SLC5A6: variants seen among roughly 807,000 people sequenced by gnomAD.
The protein encoded by SLC5A6 is sodium-dependent multivitamin transporter.
SLC5A6 carries 31 observed loss-of-function variants against 67.9 expected under a neutral mutation model. The ratio of observed to expected loss-of-function variants is 0.46; its 90% CI spans 0.34 to 0.62. The LOEUF (loss-of-function observed/expected upper bound fraction) is 0.62, where lower values mean the gene tolerates loss of function less well. Among genes scored for constraint, SLC5A6 ranks in the 20% least tolerant of loss-of-function variants. SLC5A6 has a pLI of 0.01. For synonymous variants in SLC5A6, 343 were observed against 331.0 expected (o/e 1.04, Z -0.39); for missense variants, 673 against 812.8 (o/e 0.83, Z 2.09).
Position 27,207,458 on chromosome 2 carries a change from T to G in SLC5A6, c.193A>C (p.Lys65Gln), listed in dbSNP as rs144229811. Residue 65 changes from lysine (K) to glutamine (Q), a missense_variant, in exon 3 of 17, where the codon AAA becomes CAA. By Grantham distance (53) the Lys-to-Gln change is moderately conservative. Coordinates refer to ENST00000310574, the MANE Select transcript of SLC5A6 (RefSeq NM_021095.4). The surrounding 1 kb of genome is among the most constrained non-coding windows in gnomAD (Gnocchi z 5.5). ...AGTGCCACCGGAAGGCAGCCCATTTTGCGGTCCGCCATCAGCAGCTCACCA... is the reference window on the plus strand; with the variant it reads ...AGTGCCACCGGAAGGCAGCCCATTTGGCGGTCCGCCATCAGCAGCTCACCA... ...TVGELLMADR[K>Q]MGCLPVALSL... The G allele has an allele frequency of 4.0e-5, 65 of 1,614,044 alleles. No individual in the cohort carries two copies. The highest frequency in any genetic ancestry group is 5.4e-5 in the Non-Finnish European group (64 of 1,180,030).
At position 27,204,865 on chromosome 2, in the gene SLC5A6, C is replaced by G. The variant is rs1400706012; in HGVS notation, c.801G>C (p.Met267Ile). ...WTLAFGGVFM[M>I]LSLYGVNQAQ... Reference sequence around the variant, plus strand: ...CCTGGTTCACCCCGTATAAGGAGAGCATCATGAAGACACCCCCGAAGGCCA... The same window carrying G: ...CCTGGTTCACCCCGTATAAGGAGAGGATCATGAAGACACCCCCGAAGGCCA... The change falls in exon 8 of 17, where the codon ATG becomes ATC. Residue 267 changes from methionine (M) to isoleucine (I), a missense_variant. Coordinates refer to ENST00000310574, the MANE Select transcript of SLC5A6 (RefSeq NM_021095.4). 1 of 1,614,112 alleles carries G rather than the reference C, an allele frequency of 6.2e-7. No homozygotes were observed. The highest frequency in any genetic ancestry group is 2.2e-5 in the East Asian group (1 of 44,886).
Position 27,211,481 on chromosome 2 carries a change from C to A in SLC5A6, c.-155G>T, listed in dbSNP as rs1478450813. The A allele has an allele frequency of 1.3e-5, 2 of 152,418 alleles. No homozygotes were observed. Among genetic ancestry groups the A allele is most frequent in the African/African-American group, 4.8e-5 (2 of 41,474 alleles). 9.4% of individuals were successfully genotyped at this position (152,418 alleles called of 1,614,324 possible). ...CACTCCCTTACCTCCGTGGTTCAGTCAGAGCTAGGAAGGTCCCTTTGTGCT... is the reference window on the plus strand; with the variant it reads ...CACTCCCTTACCTCCGTGGTTCAGTAAGAGCTAGGAAGGTCCCTTTGTGCT... On this transcript the variant is annotated 5_prime_UTR_variant, in exon 2 of 17. Coordinates refer to ENST00000310574, the MANE Select transcript of SLC5A6 (RefSeq NM_021095.4).
Position 27,201,754 on chromosome 2 carries a change from AG to A in SLC5A6, c.1455del (p.Ser486LeufsTer14). On this transcript the variant is annotated frameshift_variant, in exon 14 of 17. Transcript: ENST00000310574. LOFTEE classifies it high-confidence loss of function. ...IVTSMGSSMPPSPSNGSSFSL... is the reference protein window; with the variant it reads ...IVTSMGSSMPXSPSNGSSFSL... ...GAGAAGCTGGACCCATTAGAGGGAG[AG>A]GGTGGCATGCTGGAGCCCATGCTGG... 1 of 1,614,082 alleles carries A rather than the reference AG, an allele frequency of 6.2e-7. No individual in the cohort carries two copies. The highest frequency in any genetic ancestry group is 8.5e-7 in the Non-Finnish European group (1 of 1,179,918).
intron 1 of SLC5A6, 183 bp downstream of exon 1, chr2:27,211,837 C>CA (rs1674530458): frequency 4.6e-6 from 1 of 219,078 alleles, no homozygotes; most frequent in Non-Finnish European, 8.8e-6. Context: ...CCCTTGTCCC[C>CA]GCCCCGGCTC....
intron 6 of SLC5A6, among the ~76,000 whole-genome samples, chr2:27,205,799 G>C (rs1674018923): frequency 6.6e-6 from 1 of 152,240 alleles, no homozygotes; most frequent in African/African-American, 2.4e-5. Flanking sequence ...GGACTCTCCT[G>C]CCATTAGGCA....
In SLC5A6 at chr2:27,201,057, G is replaced by C. The variant is rs780116653; in HGVS notation, c.1705C>G (p.Leu569Val). 6.2e-7 allele frequency: 1 copy of C among 1,613,850 alleles called. No homozygotes were observed. Among genetic ancestry groups the C allele is most frequent in the Non-Finnish European group, 8.5e-7 (1 of 1,179,960 alleles). ...CAGGACAACGGAAGGAGGGACAGGA[G>C]CTTTGGCAACACTGGGTAAATGGTT... ...PATIYPVLPK[L>V]LSLLPLSCQK... is the part of the protein sequence containing the mutation. The change falls in exon 16 of 17, where the codon CTC becomes GTC. Residue 569 changes from leucine to valine, a missense_variant. Coordinates refer to ENST00000310574, the MANE Select transcript of SLC5A6 (RefSeq NM_021095.4).
Position 27,202,050 on chromosome 2 carries a change from CCATGCCAAA to C in SLC5A6, c.1291_1299del (p.Phe431_Met433del). 1 of 1,614,140 alleles carries C rather than the reference CCATGCCAAA, an allele frequency of 6.2e-7. No individual in the cohort carries two copies. The highest frequency in any genetic ancestry group is 2.2e-5 in the East Asian group (1 of 44,888). On this transcript the variant is annotated inframe_deletion, in exon 13 of 17. Coordinates refer to ENST00000310574, the MANE Select transcript of SLC5A6 (RefSeq NM_021095.4). ...AAGAGTCCCAGCAGCGGTCCCCCAACCATGCCAAAGATGCTGATTGCTGCCTAGGAGGAC... is the reference window on the plus strand; with the variant it reads ...AAGAGTCCCAGCAGCGGTCCCCCAACGATGCTGATTGCTGCCTAGGAGGAC...
chr2:27,204,328 A>G (rs1164746391), intron 9 of SLC5A6, 133 bp downstream of exon 9: 1 of 986,072 alleles, frequency 1.0e-6, no homozygotes, highest in East Asian at 2.5e-5. Flanking sequence ...CTAGCATCTC[A>G]GAGTGGGAAA....
chr2:27,211,019 G>A (rs566109254), intron 2 of SLC5A6, among the ~76,000 whole-genome samples: 4 of 152,078 alleles, frequency 2.6e-5, no homozygotes, highest in East Asian at 3.9e-4. Flanking sequence ...GCGAGACTCC[G>A]TCTCAAAATA....
intron 2 of SLC5A6, among the ~76,000 whole-genome samples, chr2:27,210,300 T>C (rs993130986): frequency 2.2e-4 from 33 of 152,212 alleles, no homozygotes; most frequent in African/African-American, 7.5e-4. Context: ...TGTAGTTTTC[T>C]AAACACCCTA....
intron 9 of SLC5A6, 80 bp downstream of exon 9, chr2:27,204,381 G>C: frequency 6.8e-7 from 1 of 1,475,724 alleles, no homozygotes; most frequent in Non-Finnish European, 9.1e-7. Flanking sequence ...AGTCCTTTCT[G>C]CAGTCAGTCC....
rs749355203 is a variant in SLC5A6 at position 27,205,503 on chromosome 2, C to T, written c.581G>A (p.Gly194Asp). 3 of 1,614,158 alleles carry T rather than the reference C, an allele frequency of 1.9e-6. No homozygotes were observed. In the South Asian group the frequency reaches 3.3e-5, roughly 18 times the overall value. Reference protein sequence around the residue: ...GIVCTVYTALGGLKAVIWTDV... With the variant: ...GIVCTVYTALDGLKAVIWTDV... ...TGTCCAGATGACGGCCTTCAGCCCA[C>T]CCTGCAAGGAAAGCACAGCAAACCT... The change falls in exon 7 of 17, where the codon GGT (glycine) becomes GAT (aspartate). Residue 194 changes from glycine (G) to aspartate (D), a missense_variant and splice_region_variant. Coordinates refer to ENST00000310574, the MANE Select transcript of SLC5A6 (RefSeq NM_021095.4).
rs1239187234 is a variant in SLC5A6 at position 27,207,237 on chromosome 2, C to T, written c.393+21G>A. 1.2e-6 allele frequency: 2 copies of T among 1,610,686 alleles called. No individual in the cohort carries two copies. The highest frequency in any genetic ancestry group is 1.7e-5 in the Admixed American group (1 of 59,966). On this transcript the variant is annotated intron_variant, in intron 3 of 16. Coordinates refer to ENST00000310574, the MANE Select transcript of SLC5A6 (RefSeq NM_021095.4). The surrounding 1 kb of genome is among the most constrained non-coding windows in gnomAD (Gnocchi z 5.5). ...ACCCCAACCCGTGTCCCACGCACTT[C>T]TCCCTTCTGTCCCTGCTCACCTCAT...
In SLC5A6 at chr2:27,207,854, T is replaced by C; in HGVS notation, c.-140-64A>G. ...TTGGTAGCCATTCACCCTTGGGCCT[T>C]GTACATCGCATGCCATCAGAAGTGG... On this transcript the variant is annotated intron_variant, in intron 2 of 16. Transcript: ENST00000310574. The surrounding 1 kb of genome is among the most constrained non-coding windows in gnomAD (Gnocchi z 5.5). 2 of 588,018 alleles carry C rather than the reference T, an allele frequency of 3.4e-6. No individual in the cohort carries two copies. Among genetic ancestry groups the C allele is most frequent in the Non-Finnish European group, 6.0e-6 (2 of 332,360 alleles). 36.4% of individuals were successfully genotyped at this position (588,018 alleles called of 1,614,324 possible). A position where few individuals can be genotyped will look rare whatever the true frequency, so the allele number is the denominator to read the frequency against.
At position 27,207,717 on chromosome 2, in the gene SLC5A6, A is replaced by G; in HGVS notation, c.-67T>C. ...GGGCTCTGGGGTAGGGCAGGGGCGG[A>G]TGTGTGGCTACAATCTGGCTTCCAG... On this transcript the variant is annotated 5_prime_UTR_variant, in exon 3 of 17. Transcript: ENST00000310574. This position sits in a 1 kb window ranked among gnomAD's most constrained non-coding sequence, Gnocchi z 5.5. The G allele has an allele frequency of 6.9e-7, 1 of 1,457,926 alleles. No homozygotes were observed. The highest frequency in any genetic ancestry group is 9.4e-7 in the Non-Finnish European group (1 of 1,063,510). 90.3% of individuals were successfully genotyped at this position (1,457,926 alleles called of 1,614,324 possible).
chr2:27,204,484 G>T lies in SLC5A6; in HGVS notation c.982C>A (p.Gln328Lys). The T allele has an allele frequency of 6.2e-7, 1 of 1,613,772 alleles. No individual in the cohort carries two copies. The highest frequency in any genetic ancestry group is 8.5e-7 in the Non-Finnish European group (1 of 1,179,818). The change falls in exon 9 of 17, where the codon CAG (glutamine) becomes AAG (lysine). Residue 328 changes from glutamine to lysine, a missense_variant. Coordinates refer to ENST00000310574, the MANE Select transcript of SLC5A6 (RefSeq NM_021095.4). The part of the protein sequence containing the change: ...YYQEYPMSIQ[Q>K]AQAAPDQFVL... ...ACCTGGTCTGGGGCTGCCTGAGCCT[G>T]CTGAATGCTCATGGGATACTCCTGG...
chr2:27,206,606 A>G, intron 4 of SLC5A6, 72 bp from the exon 5 acceptor site: 6 of 1,387,394 alleles, frequency 4.3e-6, no homozygotes, highest in South Asian at 2.3e-5. Flanking sequence ...GATGGGCCTC[A>G]GCGCCAATAT....
rs1337303911 is a variant in SLC5A6 at position 27,212,173 on chromosome 2, G to T, written c.-361C>A. ...TAAAGGGGAAAAGGAAGAGGGGGTC[G>T]GCCAGTATCCCCGAAAGAGGGCTAG... On this transcript the variant is annotated 5_prime_UTR_variant, in exon 1 of 17. Transcript: ENST00000310574. 6.5e-7 allele frequency: 1 copy of T among 1,536,822 alleles called. No homozygotes were observed. Among genetic ancestry groups the T allele is most frequent in the Non-Finnish European group, 8.7e-7 (1 of 1,142,896 alleles).
At position 27,207,695 on chromosome 2, in the gene SLC5A6, C is replaced by A. The variant is rs779763861; in HGVS notation, c.-45G>T. 29 of 1,574,804 alleles carry A rather than the reference C, an allele frequency of 1.8e-5. No individual in the cohort carries two copies. Among genetic ancestry groups the A allele is most frequent in the African/African-American group, 2.7e-5 (2 of 74,380 alleles). ...TCTGCAGCCAGTTGCTGCTCCAGGG[C>A]TCTGGGGTAGGGCAGGGGCGGATGT... On this transcript the variant is annotated 5_prime_UTR_variant, in exon 3 of 17. Coordinates refer to ENST00000310574, the MANE Select transcript of SLC5A6 (RefSeq NM_021095.4). The surrounding 1 kb of genome is among the most constrained non-coding windows in gnomAD (Gnocchi z 5.5).
Sources: gnomAD v4.1 joint callset for allele counts (sites outside exome capture counted in the v4.1 genomes callset) on GRCh38, gnomAD v4.1.1 for gene constraint, Gnocchi (gnomAD v3.1) non-coding constraint, MANE v1.5 for transcripts, NCBI Gene and HGNC (gene_info 2026-07-23, HGNC 2026-07-21) for gene names.